SFI1: variants seen among roughly 807,000 people sequenced by gnomAD.
The protein encoded by SFI1 is SFI1 centrin binding protein.
SFI1 carries 195 observed loss-of-function variants against 207.5 expected under a neutral mutation model. The observed-to-expected ratio is 0.94, with a 90% CI of 0.84 to 1.06. The LOEUF (loss-of-function observed/expected upper bound fraction) is 1.06, where lower values mean the gene tolerates loss of function less well. SFI1 is among the 50% of genes least tolerant of loss of function. SFI1 has a pLI of 0.00. For synonymous variants in SFI1, 630 were observed against 598.9 expected, an observed-to-expected ratio of 1.05 and a Z score of -0.76; for missense variants, 1,634 against 1,588.0, an observed-to-expected ratio of 1.03 and a Z score of -0.49.
At position 31,568,676 on chromosome 22, in the gene SFI1, G is replaced by A. The variant is rs565197070; in HGVS notation, c.766-4382G>A. Among the ~76,000 whole-genome samples, 6 of 151,866 alleles carry A rather than the reference G, an allele frequency of 4.0e-5. No individual in the cohort carries two copies. The South Asian group carries it at 6.2e-4, about 16-fold the overall frequency. ...TAGAGAAATGGCTGATTATAGGTCC[G>A]GGGCAGGAAATAGACAAGATACACC... On this transcript the variant is annotated intron_variant, in intron 8 of 32. Transcript: ENST00000400288.
At chr22:31,594,856 A>AAG (rs2066850322) in intron 15 of SFI1, among the ~76,000 whole-genome samples, 5 of 138,938 alleles carry the variant, frequency 3.6e-5, no homozygotes, top group Non-Finnish European at 7.7e-5. Flanking sequence ...CTCTGTCTCA[A>AAG]AAAAAAAAAA....
At chr22:31,545,314 G>A (rs894381129) in intron 4 of SFI1, among the ~76,000 whole-genome samples, 1 of 150,324 alleles carries the variant, frequency 6.7e-6, no homozygotes, top group Non-Finnish European at 1.5e-5. Flanking sequence ...GCGATGAACC[G>A]AGATCACACC....
intron 14 of SFI1, 62 bp downstream of exon 14, chr22:31,585,196 G>T: frequency 6.9e-7 from 1 of 1,448,328 alleles, no homozygotes; most frequent in South Asian, 1.2e-5. Flanking sequence ...ATTTGCTTTG[G>T]AAAGATTCTT....
rs191548096 is a variant in SFI1, at chr22:31,541,962, A to G, written c.339-4899A>G. Among the ~76,000 whole-genome samples the G allele has an allele frequency of 4.9e-3, 736 of 150,914 alleles. 9 individuals are homozygous for G. Among genetic ancestry groups the G allele is most frequent in the South Asian group, 0.042 (197 of 4,730 alleles). ...CTAAAAATACAAAAATTAGCTGGGC[A>G]TGGTGGTGGGTACCTGTAGTCCCAG... On this transcript the variant is annotated intron_variant, in intron 4 of 32. Transcript: ENST00000400288.
chr22:31,545,424 C>G (rs1432676367), intron 4 of SFI1, among the ~76,000 whole-genome samples: 1 of 151,808 alleles, frequency 6.6e-6, no homozygotes, highest in African/African-American at 2.4e-5. Flanking sequence ...GTCTGTAATC[C>G]CAGCATTTTG....
chr22:31,589,358 A>C (rs767102417), intron 14 of SFI1, 89 bp from the exon 15 acceptor site: 177 of 1,154,646 alleles, frequency 1.5e-4, no homozygotes, highest in Non-Finnish European at 2.0e-4. Flanking sequence ...TTATATAGGA[A>C]GCAATCCTCC....
chr22:31,530,701 C>G, intron 3 of SFI1: 1 of 451,442 alleles, frequency 2.2e-6, no homozygotes, highest in South Asian at 1.6e-5. Context: ...TACACAGCTA[C>G]TCACTCTGTT....
chr22:31,604,985 C>G (rs2068727624), intron 20 of SFI1, 40 bp downstream of exon 20: 12 of 1,535,894 alleles, frequency 7.8e-6, no homozygotes, highest in Non-Finnish European at 1.1e-5. Flanking sequence ...AGCTGGGGAA[C>G]AAGGAATGCA....
At chr22:31,515,715 C>T (rs906817624) in intron 2 of SFI1, among the ~76,000 whole-genome samples, 1 of 151,206 alleles carries the variant, frequency 6.6e-6, no homozygotes, top group Non-Finnish European at 1.5e-5. Flanking sequence ...TTCCTGAATT[C>T]CTGTTGTGGC....
rs991014514 is a variant in SFI1 at position 31,618,146 on chromosome 22, A to C, written c.3544A>C (p.Arg1182=). 6.3e-7 allele frequency: 1 copy of C among 1,586,900 alleles called. No individual in the cohort carries two copies. The highest frequency in any genetic ancestry group is 1.8e-5 in the Admixed American group (1 of 54,296). Residue 1182 remains arginine (R), a synonymous_variant, in exon 32 of 33, where the codon AGG becomes CGG. Coordinates refer to ENST00000400288, the MANE Select transcript of SFI1 (RefSeq NM_001007467.3). The part of the protein sequence containing the change: ...SCRRQASSLR[R]WLELNREEPG... ...TCGGCGGCAAGCGAGCAGCCTGCGC[A>C]GGTGGCTGGAGCTGAACAGAGAGGA...
chr22:31,594,819 C>T (rs1158101354), intron 15 of SFI1, among the ~76,000 whole-genome samples: 10 of 129,158 alleles, frequency 7.7e-5, no homozygotes, highest in Middle Eastern at 5.4e-3. Flanking sequence ...CACACCACTG[C>T]ACTCTAGCCT....
At position 31,550,360 on chromosome 22, in the gene SFI1, A is replaced by C. The variant is rs1268494417; in HGVS notation, c.544+12A>C. ...AGCCGAGGTTCATGGTGAGAAAAAGAAGTCCATGTCTGAAGAAGATGCCCA... is the reference window on the plus strand; with the variant it reads ...AGCCGAGGTTCATGGTGAGAAAAAGCAGTCCATGTCTGAAGAAGATGCCCA... On this transcript the variant is annotated intron_variant, in intron 6 of 32. Transcript: ENST00000400288. 1 of 1,610,236 alleles carries C rather than the reference A, an allele frequency of 6.2e-7. No individual in the cohort carries two copies. Among genetic ancestry groups the C allele is most frequent in the African/African-American group, 1.3e-5 (1 of 74,866 alleles).
At chr22:31,612,030 A>C in intron 24 of SFI1, 190 bp downstream of exon 24, 3 of 1,389,066 alleles carry the variant, frequency 2.2e-6, no homozygotes, top group Non-Finnish European at 2.8e-6. Flanking sequence ...TGCAGTCTGC[A>C]TAAGAACAGT....
intron 4 of SFI1, among the ~76,000 whole-genome samples, chr22:31,539,725 CT>C (rs1016473787): frequency 5.8e-4 from 85 of 146,760 alleles, no homozygotes; most frequent in Non-Finnish European, 9.5e-4. Flanking sequence ...TTTTAGAAGC[CT>C]TTTTTTTTTG....
chr22:31,602,533 G>A (rs1313413513), intron 16 of SFI1, 74 bp from the exon 17 acceptor site: 3 of 1,549,884 alleles, frequency 1.9e-6, no homozygotes, highest in South Asian at 2.3e-5. Flanking sequence ...TTTGTGGCCT[G>A]TAAATTCTTT....
chr22:31,543,288 A>C (rs940303216), intron 4 of SFI1, among the ~76,000 whole-genome samples: 3 of 152,144 alleles, frequency 2.0e-5, no homozygotes, highest in Admixed American at 1.3e-4. Flanking sequence ...TATTATACAT[A>C]CCACGCAGTG....
chr22:31,505,985 G>A (rs1181428465), intron 1 of SFI1, among the ~76,000 whole-genome samples: 1 of 152,016 alleles, frequency 6.6e-6, no homozygotes, highest in Non-Finnish European at 1.5e-5. Context: ...TGAGGAGGTC[G>A]AGGCTGCAGT....
chr22:31,545,221 C>G (rs960901047), intron 4 of SFI1, among the ~76,000 whole-genome samples: 1 of 152,088 alleles, frequency 6.6e-6, no homozygotes, highest in Non-Finnish European at 1.5e-5. Context: ...ACAAAATTAG[C>G]TGGGCGTGAT....
chr22:31,509,672 C>T (rs1347317354), intron 2 of SFI1, among the ~76,000 whole-genome samples: 1 of 152,204 alleles, frequency 6.6e-6, no homozygotes, highest in Non-Finnish European at 1.5e-5. Context: ...CAATACTTTG[C>T]GTCCTTCAAT....
Sources: allele counts gnomAD v4.1 joint callset (sites outside exome capture counted in the v4.1 genomes callset), GRCh38; gene constraint gnomAD v4.1.1; transcripts MANE v1.5; gene names NCBI Gene and HGNC (gene_info 2026-07-23, HGNC 2026-07-21).